PRKG1: variants seen among roughly 807,000 people sequenced by gnomAD.
PRKG1 encodes protein kinase cGMP-dependent 1.
PRKG1 carries 35 observed loss-of-function variants against 88.1 expected under a neutral mutation model. The observed-to-expected ratio is 0.40, with a 90% confidence interval of 0.30 to 0.53. The LOEUF (loss-of-function observed/expected upper bound fraction) is 0.53. Among genes scored for constraint, PRKG1 ranks in the 20% least tolerant of loss-of-function variants. The probability of loss-of-function intolerance (pLI) is 0.59; values close to 1 mark genes in which losing one functional copy is unlikely to be tolerated. For synonymous variants in PRKG1, 303 were observed against 292.5 expected (o/e 1.04, Z -0.37); for missense variants, 540 against 839.8 (o/e 0.64, Z 4.41).
intron 9 of PRKG1, among the ~76,000 whole-genome samples, chr10:52,240,825 G>A (rs1399765905): frequency 6.6e-6 from 1 of 152,046 alleles, no homozygotes; most frequent in African/African-American, 2.4e-5. Context: ...ACAGTTGTTT[G>A]GACCCTGGAT....
At chr10:52,187,707 G>A (rs1839233708) in intron 9 of PRKG1, among the ~76,000 whole-genome samples, 1 of 152,158 alleles carries the variant, frequency 6.6e-6, no homozygotes, top group African/African-American at 2.4e-5. Flanking sequence ...TTGTCATTCT[G>A]CTGCTCGTTG....
At chr10:51,656,746 G>C (rs147938557) in intron 3 of PRKG1, among the ~76,000 whole-genome samples, 268 of 152,186 alleles carry the variant, frequency 1.8e-3, no homozygotes, top group African/African-American at 6.2e-3. Context: ...CTTCAGAGTA[G>C]TATTCATTTT....
intron 4 of PRKG1, among the ~76,000 whole-genome samples, chr10:51,817,267 T>TA (rs977066601): frequency 1.3e-5 from 2 of 152,114 alleles, no homozygotes; most frequent in African/African-American, 4.8e-5. Flanking sequence ...GACAATGGTA[T>TA]ACATGTGCAA....
chr10:51,142,554 G>T (rs1324387977), intron 1 of PRKG1, among the ~76,000 whole-genome samples: 1 of 152,044 alleles, frequency 6.6e-6, no homozygotes, highest in Non-Finnish European at 1.5e-5. Context: ...CAGAGATTAT[G>T]AATGAATGAA....
chr10:52,100,868 G>A (rs570448916), intron 7 of PRKG1, among the ~76,000 whole-genome samples: 2 of 152,230 alleles, frequency 1.3e-5, no homozygotes, highest in South Asian at 4.1e-4. Context: ...CCTTTCATAA[G>A]GAAACATAGC....
At chr10:52,132,878 A>G (rs1332116221) in intron 7 of PRKG1, among the ~76,000 whole-genome samples, 1 of 152,110 alleles carries the variant, frequency 6.6e-6, no homozygotes, top group Non-Finnish European at 1.5e-5. Context: ...TGATACAGGC[A>G]TGCAATGTAA....
Position 52,270,482 on chromosome 10 carries a change from A to G in PRKG1, c.1174-868A>G, listed in dbSNP as rs528357720. Among the ~76,000 whole-genome samples the G allele has an allele frequency of 2.0e-5, 3 of 152,196 alleles. No homozygotes were observed. The East Asian group carries it at 5.8e-4, about 29-fold the overall frequency. ...CTTGGAACCAACCCAAGTGTCCAAC[A>G]ATGATAGACTGGATTAAGAAAATGT... is the stretch of plus-strand genomic sequence containing the variant. On this transcript the variant is annotated intron_variant, in intron 10 of 17. Coordinates refer to ENST00000373980, the MANE Select transcript of PRKG1 (RefSeq NM_006258.4).
At chr10:51,461,746 G>A (rs1260604771) in intron 2 of PRKG1, among the ~76,000 whole-genome samples, 2 of 152,086 alleles carry the variant, frequency 1.3e-5, no homozygotes, top group Admixed American at 6.6e-5. Flanking sequence ...TTCTTATAGT[G>A]GCTTAAGAAA....
intron 5 of PRKG1, among the ~76,000 whole-genome samples, chr10:51,978,384 G>A (rs751901712): frequency 6.7e-6 from 1 of 149,250 alleles, no homozygotes; most frequent in Non-Finnish European, 1.5e-5. Context: ...TGGATAGCAT[G>A]ATGCTTCCAG....
At chr10:51,788,365 T>C (rs1427052954) in intron 3 of PRKG1, among the ~76,000 whole-genome samples, 1 of 152,102 alleles carries the variant, frequency 6.6e-6, no homozygotes, top group Non-Finnish European at 1.5e-5. Context: ...AGAAGGAAAA[T>C]GGCATTCTCA....
intron 1 of PRKG1, among the ~76,000 whole-genome samples, chr10:51,086,666 C>T (rs1844257086): frequency 6.6e-6 from 1 of 152,068 alleles, no homozygotes; most frequent in Non-Finnish European, 1.5e-5. Flanking sequence ...GGTGAATATA[C>T]CAAATTTGGT....
chr10:52,197,604 G>T (rs900888245), intron 9 of PRKG1, among the ~76,000 whole-genome samples: 1 of 152,182 alleles, frequency 6.6e-6, no homozygotes, highest in Admixed American at 6.5e-5. Context: ...CACATGGTTA[G>T]TCTGTTTGAA....
chr10:51,545,704 A>G (rs1025805671), intron 3 of PRKG1, among the ~76,000 whole-genome samples: 2 of 152,144 alleles, frequency 1.3e-5, no homozygotes, highest in African/African-American at 2.4e-5. Flanking sequence ...TCATTTCCCC[A>G]GTGTATGTAC....
intron 5 of PRKG1, among the ~76,000 whole-genome samples, chr10:51,970,831 G>GATATATATATATATATATATCTATGTGAT (rs59493582): frequency 7.3e-6 from 1 of 136,612 alleles, no homozygotes; most frequent in Middle Eastern, 3.8e-3. Flanking sequence ...ATATATATGT[G>GATATATATATATATATATATCTATGTGAT]ATATATATAT....
intron 1 of PRKG1, among the ~76,000 whole-genome samples, chr10:51,103,941 T>C (rs1031138751): frequency 2.6e-5 from 4 of 152,264 alleles, no homozygotes; most frequent in African/African-American, 9.6e-5. Flanking sequence ...ACTCATAATG[T>C]ACTGCATGGA....
intron 2 of PRKG1, among the ~76,000 whole-genome samples, chr10:51,356,140 A>G (rs1212857091): frequency 6.6e-6 from 1 of 151,946 alleles, no homozygotes; most frequent in Non-Finnish European, 1.5e-5. Context: ...TTGCTACTGT[A>G]TTAGTGGCAA....
chr10:52,263,102 C>A (rs901973520), intron 10 of PRKG1, among the ~76,000 whole-genome samples: 1 of 151,852 alleles, frequency 6.6e-6, no homozygotes, highest in Admixed American at 6.6e-5. Context: ...TATTCATGAT[C>A]CTAATTTTTT....
chr10:51,172,129 C>G (rs1186142486), intron 2 of PRKG1, among the ~76,000 whole-genome samples: 1 of 151,956 alleles, frequency 6.6e-6, no homozygotes, highest in Non-Finnish European at 1.5e-5. Flanking sequence ...AATAACAATT[C>G]CAGAAATTAT....
chr10:51,142,754 A>G (rs1426467111), intron 1 of PRKG1, among the ~76,000 whole-genome samples: 4 of 152,084 alleles, frequency 2.6e-5, no homozygotes, highest in Non-Finnish European at 4.4e-5. Context: ...TGTGGCAATA[A>G]TACAATGAAA....
Sources: allele counts gnomAD v4.1 joint callset (sites outside exome capture counted in the v4.1 genomes callset), GRCh38; gene constraint gnomAD v4.1.1; transcripts MANE v1.5; gene names NCBI Gene and HGNC (gene_info 2026-07-23, HGNC 2026-07-21).